The following KAZN variants were observed in gnomAD, a reference collection of about 807,000 sequenced individuals.
KAZN encodes kazrin.
KAZN carries 40 observed loss-of-function variants against 87.4 expected under a neutral mutation model. The ratio of observed to expected loss-of-function variants is 0.46; its 90% CI spans 0.36 to 0.60. KAZN has a LOEUF of 0.60. KAZN is among the 20% of genes least tolerant of loss of function. The pLI, the probability that KAZN is intolerant of heterozygous loss-of-function variation, is 0.00. For missense variants in KAZN, 898 were observed against 1,073.9 expected, an observed-to-expected ratio of 0.84 and a Z score of 2.29; for synonymous variants, 466 against 458.3, an observed-to-expected ratio of 1.02 and a Z score of -0.22.
intron 2 of KAZN, among the ~76,000 whole-genome samples, chr1:14,356,353 A>C (rs1411422718): frequency 1.3e-5 from 2 of 152,008 alleles, no homozygotes; most frequent in African/African-American, 4.8e-5. Flanking sequence ...AGGTTGTAAA[A>C]ATTTTCTTTC....
chr1:14,867,815 G>A (rs1041190258), intron 1 of KAZN, among the ~76,000 whole-genome samples: 10 of 149,796 alleles, frequency 6.7e-5, no homozygotes, highest in African/African-American at 2.2e-4. Context: ...CTTGTCCCTG[G>A]CTATGTCCTC....
intron 2 of KAZN, among the ~76,000 whole-genome samples, chr1:14,281,808 A>G (rs1297645779): frequency 6.6e-6 from 1 of 152,234 alleles, no homozygotes; most frequent in Non-Finnish European, 1.5e-5. Context: ...CTGGAGCCCC[A>G]AAAGGCTCCC....
chr1:15,049,930 A>G (rs1161959563), intron 4 of KAZN, among the ~76,000 whole-genome samples: 2 of 152,152 alleles, frequency 1.3e-5, no homozygotes, highest in Non-Finnish European at 2.9e-5. Flanking sequence ...AGGCTGAGGC[A>G]GGAGAATCGC....
At chr1:14,933,195 G>A (rs901986931) in intron 1 of KAZN, among the ~76,000 whole-genome samples, 3 of 152,226 alleles carry the variant, frequency 2.0e-5, no homozygotes, top group Admixed American at 2.0e-4. Context: ...GGGTTCAAGC[G>A]ATTCTCCTGC....
intron 1 of KAZN, among the ~76,000 whole-genome samples, chr1:13,924,238 A>G (rs780677770): frequency 3.9e-5 from 6 of 152,204 alleles, no homozygotes; most frequent in Non-Finnish European, 7.3e-5. Context: ...TAAAAACTCA[A>G]AGGTATGGCT....
chr1:14,020,567 T>C (rs746453770), intron 1 of KAZN, among the ~76,000 whole-genome samples: 28 of 152,210 alleles, frequency 1.8e-4, no homozygotes, highest in Non-Finnish European at 3.2e-4. Context: ...TAGCAAACTG[T>C]TTTGTATAAT....
intron 1 of KAZN, among the ~76,000 whole-genome samples, chr1:13,974,022 T>A (rs1290069124): frequency 6.6e-6 from 1 of 152,268 alleles, no homozygotes; most frequent in East Asian, 1.9e-4. Context: ...TGGGGCAAAG[T>A]CTGGTGGAAA....
At chr1:13,963,709 C>A (rs969919645) in intron 1 of KAZN, among the ~76,000 whole-genome samples, 3 of 150,414 alleles carry the variant, frequency 2.0e-5, no homozygotes, top group Non-Finnish European at 4.4e-5. Flanking sequence ...AAACAAAAAA[C>A]CTTCATCTCC....
Position 14,591,677 on chromosome 1 carries a change from T to A in KAZN, c.250-7306T>A, listed in dbSNP as rs563016379. Among the ~76,000 whole-genome samples, 3 of 152,332 alleles carry A rather than the reference T, an allele frequency of 2.0e-5. No individual in the cohort carries two copies. The East Asian group carries it at 5.8e-4, about 29-fold the overall frequency. ...TGGTTAAATATATACACAGAAGGGA[T>A]GCGCCTGACCGACTTTCCCAGCTTT... On this transcript the variant is annotated intron_variant, in intron 2 of 16. Coordinates refer to the KAZN transcript ENST00000636203.
chr1:14,924,527 G>A (rs1264745460), intron 1 of KAZN: 4 of 1,010,048 alleles, frequency 4.0e-6, no homozygotes, highest in South Asian at 4.5e-5. Context: ...TCGGCCCCGC[G>A]CCGGGGTTCC....
chr1:15,059,282 G>T (rs1382026739), intron 5 of KAZN, among the ~76,000 whole-genome samples: 1 of 152,192 alleles, frequency 6.6e-6, no homozygotes, highest in Non-Finnish European at 1.5e-5. Context: ...GGTAGGGAGA[G>T]CTGATTACTG....
At chr1:14,271,739 T>G (rs186106024) in intron 2 of KAZN, among the ~76,000 whole-genome samples, 98 of 152,360 alleles carry the variant, frequency 6.4e-4, no homozygotes, top group Non-Finnish European at 1.0e-3. Context: ...AGAATCTGAT[T>G]GGTCATTGGC....
chr1:14,116,219 T>A (rs991311229), intron 1 of KAZN, among the ~76,000 whole-genome samples: 1 of 152,146 alleles, frequency 6.6e-6, no homozygotes, highest in Non-Finnish European at 1.5e-5. Flanking sequence ...ATGGGGAAAT[T>A]GTCTCCAGGG....
intron 2 of KAZN, among the ~76,000 whole-genome samples, chr1:14,305,675 T>A (rs1654873089): frequency 6.7e-6 from 1 of 150,162 alleles, no homozygotes; most frequent in South Asian, 2.1e-4. Context: ...TTTGTTTTCT[T>A]TTTTTTTAAT....
intron 5 of KAZN, among the ~76,000 whole-genome samples, chr1:15,058,585 C>T: frequency 6.6e-6 from 1 of 152,222 alleles, no homozygotes; most frequent in East Asian, 1.9e-4. Flanking sequence ...TCTGGACCTT[C>T]CATTCAACCA....
Position 14,820,403 on chromosome 1 carries a change from A to G in KAZN, c.227-140281A>G, listed in dbSNP as rs1337921739. 6.6e-6 allele frequency among the ~76,000 whole-genome samples: 1 copy of G among 152,236 alleles called. No homozygotes were observed. The highest frequency in any genetic ancestry group is 1.9e-4 in the East Asian group (1 of 5,190). On this transcript the variant is annotated intron_variant, in intron 1 of 14. Coordinates refer to ENST00000376030, the MANE Select transcript of KAZN (RefSeq NM_201628.3). This position sits in a 1 kb window ranked among gnomAD's most constrained non-coding sequence, Gnocchi z 4.1. Reference sequence around the variant, plus strand: ...CTGGGTATCATGAGAGCCCATCTCCATCTGCCAGCCTGGAAGCAGCCATGG... The same window carrying G: ...CTGGGTATCATGAGAGCCCATCTCCGTCTGCCAGCCTGGAAGCAGCCATGG...
intron 1 of KAZN, among the ~76,000 whole-genome samples, chr1:13,910,271 G>A (rs547823181): frequency 1.3e-5 from 2 of 152,190 alleles, no homozygotes; most frequent in Non-Finnish European, 2.9e-5. Flanking sequence ...CACTTTGGGA[G>A]GCTGAGGTGA....
rs574804347 is a variant in KAZN, at chr1:14,881,243, G to T, written c.227-79441G>T. On this transcript the variant is annotated intron_variant, in intron 1 of 14. Coordinates refer to ENST00000376030, the MANE Select transcript of KAZN (RefSeq NM_201628.3). The stretch of plus-strand genomic sequence containing the variant: ...TCGCATGATAAGCAGGGTGTTTCCA[G>T]TTGGACCAGAAAATCCAGCAGGGTG... 2.6e-5 allele frequency among the ~76,000 whole-genome samples: 4 copies of T among 152,350 alleles called. No individual in the cohort carries two copies. In the South Asian group the frequency reaches 8.3e-4, roughly 32 times the overall value.
chr1:14,778,688 C>T (rs948554858), intron 1 of KAZN, among the ~76,000 whole-genome samples: 5 of 152,190 alleles, frequency 3.3e-5, no homozygotes, highest in African/African-American at 1.2e-4. Context: ...TTTCAGTTCT[C>T]TTTTGCCACG....
Sources: gnomAD v4.1 joint callset for allele counts (sites outside exome capture counted in the v4.1 genomes callset) on GRCh38, gnomAD v4.1.1 for gene constraint, Gnocchi (gnomAD v3.1) non-coding constraint, MANE v1.5 for transcripts, NCBI Gene and HGNC (gene_info 2026-07-23, HGNC 2026-07-21) for gene names.